The following DIO1 variants were observed in gnomAD, a reference collection of about 807,000 sequenced individuals.
DIO1 encodes the protein iodothyronine deiodinase 1, also known as type I iodothyronine deiodinase.
In DIO1, 17 loss-of-function variants were observed where a neutral mutation model predicts 25.9. The ratio of observed to expected loss-of-function variants is 0.66; its 90% CI spans 0.45 to 0.98. The LOEUF (loss-of-function observed/expected upper bound fraction) is 0.98, where lower values mean the gene tolerates loss of function less well. Among genes scored for constraint, DIO1 ranks in the 50% least tolerant of loss-of-function variants. DIO1 has a pLI of 0.00. For missense variants in DIO1, 270 were observed against 310.4 expected, an observed-to-expected ratio of 0.87 and a Z score of 0.98; for synonymous variants, 115 against 114.0, an observed-to-expected ratio of 1.01 and a Z score of -0.05.
At chr1:53,899,702 G>T (rs530965712) in intron 1 of DIO1, among the ~76,000 whole-genome samples, 1 of 152,242 alleles carries the variant, frequency 6.6e-6, no homozygotes, top group South Asian at 2.1e-4. Context: ...TATTGAGATG[G>T]GGTCTCATGC....
At chr1:53,909,168 C>A (rs1651809947) in intron 3 of DIO1, among the ~76,000 whole-genome samples, 1 of 151,226 alleles carries the variant, frequency 6.6e-6, no homozygotes, top group African/African-American at 2.4e-5. Context: ...GTAATCCCGG[C>A]ACTTTGGGAG....
chr1:53,898,806 A>C (rs1651213783), intron 1 of DIO1, among the ~76,000 whole-genome samples: 1 of 152,112 alleles, frequency 6.6e-6, no homozygotes. Context: ...AGGCCACCAA[A>C]AAGCTCTGTT....
chr1:53,897,906 T>C (rs1651162606), intron 1 of DIO1, among the ~76,000 whole-genome samples: 2 of 152,310 alleles, frequency 1.3e-5, no homozygotes, highest in South Asian at 4.1e-4. Flanking sequence ...AGGAGGGGAC[T>C]GAAGCAAAAG....
At position 53,894,651 on chromosome 1, in the gene DIO1, C is replaced by T. The variant is rs1650981900; in HGVS notation, c.337+104C>T. On this transcript the variant is annotated intron_variant, in intron 1 of 3. Transcript: ENST00000361921. The surrounding 1 kb of genome is among the most constrained non-coding windows in gnomAD (Gnocchi z 4.9). ...CTGAATTCTCCTACTACTTTTGCTG[C>T]TCCTTTTGGACCTTCTTGTCCTCTT... The T allele has an allele frequency of 9.1e-7, 1 of 1,098,032 alleles. No homozygotes were observed. Among genetic ancestry groups the T allele is most frequent in the Non-Finnish European group, 1.3e-6 (1 of 780,614 alleles). The allele number at this position is 1,098,032 out of a possible 1,614,324, so 68.0% of individuals were successfully genotyped here. A position where few individuals can be genotyped will look rare whatever the true frequency, so the allele number is the denominator to read the frequency against.
At chr1:53,908,318 T>C (rs571009787) in intron 3 of DIO1, among the ~76,000 whole-genome samples, 4 of 152,314 alleles carry the variant, frequency 2.6e-5, no homozygotes, top group South Asian at 4.1e-4. Flanking sequence ...TATTACAGTG[T>C]CCCAACTGCT....
intron 1 of DIO1, among the ~76,000 whole-genome samples, chr1:53,904,329 G>T (rs1444639550): frequency 2.6e-5 from 4 of 152,154 alleles, no homozygotes; most frequent in African/African-American, 4.8e-5. Context: ...GACCAACCTT[G>T]CAGTATTACT....
intron 3 of DIO1, among the ~76,000 whole-genome samples, chr1:53,907,206 C>T (rs1342792142): frequency 6.6e-6 from 1 of 152,178 alleles, no homozygotes; most frequent in East Asian, 1.9e-4. Context: ...TTCAGGCTCC[C>T]TTTCTTGTGA....
intron 1 of DIO1, among the ~76,000 whole-genome samples, chr1:53,897,035 C>A (rs893152398): frequency 2.0e-5 from 3 of 152,238 alleles, no homozygotes; most frequent in Non-Finnish European, 2.9e-5. Flanking sequence ...ATGTGCCAAG[C>A]ACTGTAACAG....
intron 1 of DIO1, among the ~76,000 whole-genome samples, chr1:53,902,270 A>G (rs1169914253): frequency 6.6e-6 from 1 of 151,680 alleles, no homozygotes. Context: ...AAAATAGGTA[A>G]CTCCTTTATA....
chr1:53,897,844 C>A (rs1360968484), intron 1 of DIO1, among the ~76,000 whole-genome samples: 4 of 152,058 alleles, frequency 2.6e-5, no homozygotes, highest in African/African-American at 9.7e-5. Context: ...AGAGTTAAGA[C>A]CTTGTCTCAA....
At position 53,894,650 on chromosome 1, in the gene DIO1, G is replaced by T. The variant is rs1289042925; in HGVS notation, c.337+103G>T. The T allele has an allele frequency of 9.1e-7, 1 of 1,099,140 alleles. No homozygotes were observed. Among genetic ancestry groups the T allele is most frequent in the Non-Finnish European group, 1.3e-6 (1 of 781,748 alleles). The allele number at this position is 1,099,140 out of a possible 1,614,324, so 68.1% of individuals were successfully genotyped here. ...CCTGAATTCTCCTACTACTTTTGCT[G>T]CTCCTTTTGGACCTTCTTGTCCTCT... On this transcript the variant is annotated intron_variant, in intron 1 of 3. Transcript: ENST00000361921. The surrounding 1 kb of genome is among the most constrained non-coding windows in gnomAD (Gnocchi z 4.9).
At chr1:53,902,559 T>G (rs1237027869) in intron 1 of DIO1, among the ~76,000 whole-genome samples, 1 of 151,634 alleles carries the variant, frequency 6.6e-6, no homozygotes, top group Non-Finnish European at 1.5e-5. Context: ...GTAGGGGGGT[T>G]TGGGGGTATG....
intron 1 of DIO1, among the ~76,000 whole-genome samples, chr1:53,901,892 A>G (rs1651387024): frequency 7.0e-6 from 1 of 142,702 alleles, no homozygotes; most frequent in Non-Finnish European, 1.5e-5. Context: ...ACAAGATCTC[A>G]TCTCTCAAAA....
At chr1:53,897,462 C>T (rs374248515) in intron 1 of DIO1, among the ~76,000 whole-genome samples, 28 of 151,720 alleles carry the variant, frequency 1.8e-4, no homozygotes, top group Non-Finnish European at 1.0e-4. Context: ...GGTGACACAG[C>T]GAGACTCTGT....
chr1:53,908,995 G>A (rs1163134130), intron 3 of DIO1, among the ~76,000 whole-genome samples: 1 of 151,844 alleles, frequency 6.6e-6, no homozygotes, highest in Non-Finnish European at 1.5e-5. Flanking sequence ...TTGTGAGGCT[G>A]AGGCACGAGA....
In DIO1 at chr1:53,910,030, AACGGG is replaced by A. The variant is rs1231985590; in HGVS notation, c.*33_*37del. On this transcript the variant is annotated 3_prime_UTR_variant, in exon 4 of 4. Transcript: ENST00000361921. ...ACAGATACCTCAATTCTAGGTGACC[AACGGG>A]AGGGCTTCTCAAGGCTTAGCTCTCC... The A allele has an allele frequency of 2.5e-6, 4 of 1,596,904 alleles. No homozygotes were observed. The Admixed American group carries it at 6.7e-5, about 27-fold the overall frequency.
chr1:53,894,577 G>C lies in DIO1; in HGVS notation c.337+30G>C. The C allele has an allele frequency of 6.3e-7, 1 of 1,575,312 alleles. No individual in the cohort carries two copies. The highest frequency in any genetic ancestry group is 1.1e-5 in the South Asian group (1 of 87,894). On this transcript the variant is annotated intron_variant, in intron 1 of 3. Coordinates refer to ENST00000361921, the MANE Select transcript of DIO1 (RefSeq NM_000792.7). This position sits in a 1 kb window ranked among gnomAD's most constrained non-coding sequence, Gnocchi z 4.9. ...GGAGGCTGCCACACACTTGAGGGGTGCTTGAAATAGCAGTGGTAGAGGGGG... is the reference window on the plus strand; with the variant it reads ...GGAGGCTGCCACACACTTGAGGGGTCCTTGAAATAGCAGTGGTAGAGGGGG...
At position 53,910,943 on chromosome 1, in the gene DIO1, T is replaced by C. The variant is rs1356253078; in HGVS notation, c.*944T>C. On this transcript the variant is annotated 3_prime_UTR_variant, in exon 4 of 4. Transcript: ENST00000361921. The stretch of plus-strand genomic sequence containing the variant: ...CATCAAACTGATGGATAGCCATTGG[T>C]ATTCATCTATTTTAACTCTGTGTCT... The C allele has an allele frequency of 1.3e-5, 2 of 152,708 alleles. No individual in the cohort carries two copies. The highest frequency in any genetic ancestry group is 2.9e-5 in the Non-Finnish European group (2 of 68,050). The allele number at this position is 152,708 out of a possible 1,614,324, so 9.5% of individuals were successfully genotyped here.
At position 53,894,521 on chromosome 1, in the gene DIO1, G is replaced by A. The variant is rs1407637147; in HGVS notation, c.311G>A (p.Arg104Lys). The A allele has an allele frequency of 1.9e-6, 3 of 1,613,978 alleles. No individual in the cohort carries two copies. Among genetic ancestry groups the A allele is most frequent in the Non-Finnish European group, 2.5e-6 (3 of 1,179,968 alleles). ...CCGGTGGTCCGCCTCTCAGGACAGA[G>A]GTGCAACATTTGGGAGTTTATGCAA... is the stretch of plus-strand genomic sequence containing the variant. ...NCPVVRLSGQ[R>K]CNIWEFMQGN... Residue 104 changes from arginine (R) to lysine (K), a missense_variant, in exon 1 of 4, where the codon AGG (arginine) becomes AAG (lysine). Coordinates refer to ENST00000361921, the MANE Select transcript of DIO1 (RefSeq NM_000792.7). The surrounding 1 kb of genome is among the most constrained non-coding windows in gnomAD (Gnocchi z 4.9).
Sources: gnomAD v4.1 joint callset for allele counts (sites outside exome capture counted in the v4.1 genomes callset) on GRCh38, gnomAD v4.1.1 for gene constraint, Gnocchi (gnomAD v3.1) non-coding constraint, MANE v1.5 for transcripts, NCBI Gene and HGNC (gene_info 2026-07-23, HGNC 2026-07-21) for gene names.